The following SNRNP48 variants were observed in gnomAD, a reference collection of about 807,000 sequenced individuals.
SNRNP48 encodes the protein U11/U12 small nuclear ribonucleoprotein 48 kDa protein.
SNRNP48 carries 43 observed loss-of-function variants against 47.0 expected under a neutral mutation model. The observed-to-expected ratio is 0.92, with a 90% confidence interval of 0.72 to 1.18. SNRNP48 has a LOEUF of 1.18. Among genes scored for constraint, SNRNP48 ranks in the 50% most tolerant of loss-of-function variants. The probability of loss-of-function intolerance (pLI) is 0.00; values close to 1 mark genes in which losing one functional copy is unlikely to be tolerated. For missense variants in SNRNP48, 396 were observed against 422.2 expected, an observed-to-expected ratio of 0.94 and a Z score of 0.54; for synonymous variants, 138 against 144.0, an observed-to-expected ratio of 0.96 and a Z score of 0.30.
intron 4 of SNRNP48, among the ~76,000 whole-genome samples, chr6:7,596,689 G>A (rs1427674532): frequency 2.0e-5 from 3 of 152,080 alleles, no homozygotes; most frequent in Non-Finnish European, 4.4e-5. Flanking sequence ...TCCCTGTCAG[G>A]GAAATTCCAG....
intron 6 of SNRNP48, among the ~76,000 whole-genome samples, chr6:7,603,590 C>T (rs1429373689): frequency 6.6e-6 from 1 of 152,156 alleles, no homozygotes; most frequent in Non-Finnish European, 1.5e-5. Flanking sequence ...TACTTTCTTA[C>T]CTGAAATGCT....
In SNRNP48 at chr6:7,593,631, C is replaced by T. The variant is rs1581833017; in HGVS notation, c.157-103C>T. 1.1e-5 allele frequency: 7 copies of T among 613,704 alleles called. No individual in the cohort carries two copies. The East Asian group carries it at 2.2e-4, about 20-fold the overall frequency. The allele number at this position is 613,704 out of a possible 1,614,324, so 38.0% of individuals were successfully genotyped here. On this transcript the variant is annotated intron_variant, in intron 1 of 8. Transcript: ENST00000342415. Reference sequence around the variant, plus strand: ...TGAGAGAGGCCTGTAGAAGAGGATGCACTATACAGTACTGGTACATAATTA... The same window carrying T: ...TGAGAGAGGCCTGTAGAAGAGGATGTACTATACAGTACTGGTACATAATTA...
At chr6:7,601,253 C>T in intron 4 of SNRNP48, 83 bp from the exon 5 acceptor site, 2 of 1,113,914 alleles carry the variant, frequency 1.8e-6, no homozygotes, top group South Asian at 3.4e-5. Flanking sequence ...ATTATTAAAG[C>T]ACATGTTTAA....
At chr6:7,598,503 A>G (rs1213861240) in intron 4 of SNRNP48, among the ~76,000 whole-genome samples, 1 of 150,958 alleles carries the variant, frequency 6.6e-6, no homozygotes, top group African/African-American at 2.4e-5. Flanking sequence ...TCAAAAAAAG[A>G]AAAAAAAATT....
chr6:7,598,369 C>T (rs1759947120), intron 4 of SNRNP48, among the ~76,000 whole-genome samples: 1 of 151,926 alleles, frequency 6.6e-6, no homozygotes, highest in Admixed American at 6.5e-5. Flanking sequence ...ATGGTGCGTG[C>T]CTGTAATCCC....
intron 4 of SNRNP48, chr6:7,600,193 C>T (rs1759986488): frequency 2.0e-6 from 2 of 988,016 alleles, no homozygotes; most frequent in Non-Finnish European, 2.4e-6. Flanking sequence ...TATGTATAGC[C>T]GTGTTAAACC....
At chr6:7,603,379 T>TA (rs1310582134) in intron 6 of SNRNP48, among the ~76,000 whole-genome samples, 6 of 152,208 alleles carry the variant, frequency 3.9e-5, no homozygotes, top group Non-Finnish European at 7.3e-5. Context: ...GTATGTGAAT[T>TA]ACCTTGCCCA....
intron 8 of SNRNP48, among the ~76,000 whole-genome samples, chr6:7,606,552 C>A (rs527706687): frequency 8.5e-5 from 13 of 152,260 alleles, no homozygotes. Context: ...TTCTCTTATT[C>A]TTTCTTTCTT....
chr6:7,595,243 T>G, intron 4 of SNRNP48, 142 bp downstream of exon 4: 2 of 656,962 alleles, frequency 3.0e-6, no homozygotes. Flanking sequence ...TTGGGCTAAT[T>G]TGCTTCGTTT....
intron 4 of SNRNP48, among the ~76,000 whole-genome samples, chr6:7,597,005 G>A (rs1027624313): frequency 1.6e-4 from 24 of 152,218 alleles, no homozygotes; most frequent in African/African-American, 5.5e-4. Flanking sequence ...ACATGATAAA[G>A]TTCTAGTGTG....
In SNRNP48 at chr6:7,605,394, C is replaced by T. The variant is rs1254870673; in HGVS notation, c.718-4C>T. The T allele has an allele frequency of 1.9e-6, 3 of 1,613,592 alleles. No homozygotes were observed. In the Admixed American group the frequency reaches 5.0e-5, roughly 27 times the overall value. Reference sequence around the variant, plus strand: ...CCTGAAGTTCGGTGCTTACCTCTCCCAAGGTGATTCGAGATGTGATAAATG... The same window carrying T: ...CCTGAAGTTCGGTGCTTACCTCTCCTAAGGTGATTCGAGATGTGATAAATG... On this transcript the variant is annotated splice_polypyrimidine_tract_variant and splice_region_variant and intron_variant, in intron 6 of 8. Coordinates refer to ENST00000342415, the MANE Select transcript of SNRNP48 (RefSeq NM_152551.4).
chr6:7,608,411 G>A (rs1468669132), intron 8 of SNRNP48, among the ~76,000 whole-genome samples: 1 of 152,036 alleles, frequency 6.6e-6, no homozygotes, highest in African/African-American at 2.4e-5. Flanking sequence ...ACAAAAAATA[G>A]CCAGGTGTGG....
chr6:7,592,780 G>C (rs1759841326), intron 1 of SNRNP48, among the ~76,000 whole-genome samples: 1 of 152,108 alleles, frequency 6.6e-6, no homozygotes, highest in African/African-American at 2.4e-5. Context: ...TCAGGAGATG[G>C]TGTTGTATTC....
chr6:7,590,712 G>T (rs1759801684), intron 1 of SNRNP48, among the ~76,000 whole-genome samples: 1 of 152,226 alleles, frequency 6.6e-6, no homozygotes, highest in African/African-American at 2.4e-5. Context: ...GCGCGGTGGC[G>T]CACGCCTGTA....
intron 4 of SNRNP48, among the ~76,000 whole-genome samples, chr6:7,595,979 A>G (rs1028541627): frequency 1.3e-5 from 2 of 152,178 alleles, no homozygotes; most frequent in African/African-American, 4.8e-5. Context: ...AAACATAGAC[A>G]TAGGCCAGAC....
intron 1 of SNRNP48, 66 bp from the exon 2 acceptor site, chr6:7,593,668 T>C: frequency 9.5e-7 from 1 of 1,051,532 alleles, no homozygotes; most frequent in Non-Finnish European, 1.4e-6. Context: ...ATGGTAAACA[T>C]TTAATGGTAA....
At chr6:7,590,627 C>T (rs897763626) in intron 1 of SNRNP48, among the ~76,000 whole-genome samples, 1 of 152,166 alleles carries the variant, frequency 6.6e-6, no homozygotes, top group Non-Finnish European at 1.5e-5. Flanking sequence ...CGAGGAACTC[C>T]CGAAGGCTCC....
intron 5 of SNRNP48, among the ~76,000 whole-genome samples, chr6:7,602,409 A>G (rs945272911): frequency 5.3e-5 from 8 of 152,174 alleles, no homozygotes; most frequent in South Asian, 2.1e-4. Context: ...ACTTTAATCT[A>G]TGTACCTAAG....
chr6:7,599,874 A>G, intron 4 of SNRNP48: 1 of 1,023,866 alleles, frequency 9.8e-7, no homozygotes, highest in African/African-American at 1.7e-5. Context: ...TCATAAAGAA[A>G]TTTAAGATGA....
Sources: allele counts gnomAD v4.1 joint callset (sites outside exome capture counted in the v4.1 genomes callset), GRCh38; gene constraint gnomAD v4.1.1; transcripts MANE v1.5; gene names NCBI Gene and HGNC (gene_info 2026-07-23, HGNC 2026-07-21).